The following CFAP47 variants were observed in gnomAD, a reference collection of about 807,000 sequenced individuals.
CFAP47 encodes the protein cilia- and flagella-associated protein 47.
In CFAP47, 29 loss-of-function variants were observed where a neutral mutation model predicts 148.1. The ratio of observed to expected loss-of-function variants is 0.20; its 90% CI spans 0.15 to 0.27. The LOEUF (loss-of-function observed/expected upper bound fraction) is 0.27, where lower values mean the gene tolerates loss of function less well. Among genes scored for constraint, CFAP47 ranks in the 10% least tolerant of loss-of-function variants. The pLI is 1.00. For synonymous variants in CFAP47, 664 were observed against 577.3 expected, an observed-to-expected ratio of 1.15 and a Z score of -2.15; for missense variants, 1,872 against 1,697.5, an observed-to-expected ratio of 1.10 and a Z score of -1.81.
In CFAP47 at chrX:36,104,595, A is replaced by G. The variant is rs1214810484; in HGVS notation, c.5224A>G (p.Ser1742Gly). The change falls in exon 33 of 64, where the codon AGC becomes GGC. Residue 1742 changes from serine to glycine, a missense_variant. Coordinates refer to ENST00000378653, the MANE Select transcript of CFAP47 (RefSeq NM_001304548.2). ...TPKVNPCFAS[S>G]NIYSDSERIL... The stretch of plus-strand genomic sequence containing the variant: ...AAAAGTCAATCCTTGTTTTGCATCC[A>G]GCAACATATATTCTGATTCTGAAAG... 6 of 931,465 alleles carry G rather than the reference A, an allele frequency of 6.4e-6. No individual in the cohort carries two copies. The East Asian group carries it at 1.6e-4, about 24-fold the overall frequency. The allele number at this position is 931,465 out of a possible 1,213,427, so 76.8% of individuals were successfully genotyped here.
intron 57 of CFAP47, among the ~76,000 whole-genome samples, chrX:36,320,868 G>A (rs1161787233): frequency 8.9e-6 from 1 of 111,984 alleles, no homozygotes; most frequent in African/African-American, 3.2e-5. Flanking sequence ...TCTTTGTAAT[G>A]TATAAAAAGA....
intron 57 of CFAP47, among the ~76,000 whole-genome samples, chrX:36,320,627 C>T (rs1408931590): frequency 2.7e-5 from 3 of 112,117 alleles, no homozygotes; most frequent in Non-Finnish European, 5.6e-5. Context: ...GTATGAACAA[C>T]AGTTCACAAA....
chrX:36,200,649 G>A (rs1939970150), intron 43 of CFAP47, among the ~76,000 whole-genome samples, 156 bp downstream of exon 43: 1 of 111,762 alleles, frequency 8.9e-6, no homozygotes, highest in South Asian at 3.7e-4. Context: ...CCATGAAATA[G>A]AGCAGCACCA....
At chrX:36,371,605 ATG>A (rs1176794967) in intron 62 of CFAP47, among the ~76,000 whole-genome samples, 1 of 91,901 alleles carries the variant, frequency 1.1e-5, no homozygotes, top group Non-Finnish European at 2.2e-5. Flanking sequence ...GTGTGTATAT[ATG>A]TGTATATATG....
intron 33 of CFAP47, among the ~76,000 whole-genome samples, chrX:36,130,859 G>T (rs1026767226): frequency 9.0e-6 from 1 of 111,234 alleles, no homozygotes; most frequent in Non-Finnish European, 1.9e-5. Context: ...TCATTTATTT[G>T]TGGAATCTAA....
chrX:36,157,448 C>T (rs1208414013), intron 37 of CFAP47, among the ~76,000 whole-genome samples: 1 of 111,741 alleles, frequency 8.9e-6, no homozygotes, highest in African/African-American at 3.2e-5. Context: ...TTTAATTCCC[C>T]ATACCAGAGG....
chrX:36,352,161 A>G (rs1174964067), intron 59 of CFAP47, among the ~76,000 whole-genome samples: 1 of 110,987 alleles, frequency 9.0e-6, no homozygotes, highest in Non-Finnish European at 1.9e-5. Context: ...TGATCCATAC[A>G]TTGCCAGAGC....
chrX:36,315,613 A>T (rs1941427326), intron 56 of CFAP47, among the ~76,000 whole-genome samples: 1 of 112,116 alleles, frequency 8.9e-6, no homozygotes, highest in South Asian at 3.7e-4. Flanking sequence ...TATCTGGGCC[A>T]TTGTCCAGCT....
chrX:35,974,180 G>A (rs2146668473), intron 13 of CFAP47, among the ~76,000 whole-genome samples: 1 of 112,157 alleles, frequency 8.9e-6, no homozygotes, highest in South Asian at 3.7e-4. Flanking sequence ...CAGGTGGTTA[G>A]CATCTCTGAG....
chrX:36,128,818 A>G (rs73472825), intron 33 of CFAP47, among the ~76,000 whole-genome samples: 4,811 of 110,376 alleles, frequency 0.044, 278 homozygotes, highest in African/African-American at 0.15. Context: ...GCACAAACTC[A>G]AATTTTCCAT....
At chrX:36,074,841 A>T (rs1327944991) in intron 29 of CFAP47, among the ~76,000 whole-genome samples, 1 of 111,716 alleles carries the variant, frequency 9.0e-6, no homozygotes, top group Non-Finnish European at 1.9e-5. Context: ...GCTTCAATGA[A>T]TTCAACTTTT....
In CFAP47 at chrX:36,067,042, G is replaced by T. The variant is rs185069532; in HGVS notation, c.4318+1299G>T. On this transcript the variant is annotated intron_variant, in intron 27 of 63. Coordinates refer to ENST00000378653, the MANE Select transcript of CFAP47 (RefSeq NM_001304548.2). ...TTTCTCCATCTTCAAACTTTCTCTG[G>T]GTTTCCACATACCATACTTCTTTTG... Among the ~76,000 whole-genome samples, 6 of 111,551 alleles carry T rather than the reference G, an allele frequency of 5.4e-5. No individual in the cohort carries two copies. In the East Asian group the frequency reaches 1.7e-3, roughly 32 times the overall value.
Position 36,108,009 on chromosome X carries a change from T to G in CFAP47, c.5320+3318T>G, listed in dbSNP as rs1452659839. Among the ~76,000 whole-genome samples, 5 of 111,849 alleles carry G rather than the reference T, an allele frequency of 4.5e-5. 1 individual carries two copies. In the Admixed American group the frequency reaches 4.8e-4, roughly 11 times the overall value. On this transcript the variant is annotated intron_variant, in intron 33 of 63. Transcript: ENST00000378653. ...AGAAGATACTGCTCACTGTGACTTC[T>G]GCTTAAAAATTACAAGCTTTTTGAG...
At position 35,981,272 on chromosome X, in the gene CFAP47, A is replaced by G. The variant is rs888422964; in HGVS notation, c.2713+5359A>G. Among the ~76,000 whole-genome samples, 3 of 108,672 alleles carry G rather than the reference A, an allele frequency of 2.8e-5. No homozygotes were observed. The South Asian group carries it at 1.2e-3, about 44-fold the overall frequency. 94.4% of individuals were successfully genotyped at this position (108,672 alleles called of 115,157 possible). A position where few individuals can be genotyped will look rare whatever the true frequency, so the allele number is the denominator to read the frequency against. ...TGAGCCAAACATAAAACAAAATATA[A>G]AAGAGCAGATATAAATTCAAATATG... On this transcript the variant is annotated intron_variant, in intron 15 of 63. Transcript: ENST00000378653.
In CFAP47 at chrX:36,268,202, C is replaced by T. The variant is rs375096380; in HGVS notation, c.7445-12285C>T. On this transcript the variant is annotated intron_variant, in intron 49 of 63. Coordinates refer to ENST00000378653, the MANE Select transcript of CFAP47 (RefSeq NM_001304548.2). Reference sequence around the variant, plus strand: ...ATTTCTGGCATACAGCTGCAGGTGTCCAGTCAACAATGAATAGAAGAAGCA... The same window carrying T: ...ATTTCTGGCATACAGCTGCAGGTGTTCAGTCAACAATGAATAGAAGAAGCA... 2.8e-3 allele frequency among the ~76,000 whole-genome samples: 315 copies of T among 113,451 alleles called. 2 individuals are homozygous for T. Among genetic ancestry groups the T allele is most frequent in the Middle Eastern group, 0.019 (4 of 214 alleles).
chrX:35,997,604 A>G (rs1027885532), intron 19 of CFAP47, among the ~76,000 whole-genome samples: 14 of 111,760 alleles, frequency 1.3e-4, no homozygotes, highest in Non-Finnish European at 1.9e-5. Context: ...AGAATTTACC[A>G]CTGAATGTAA....
At chrX:36,063,991 G>A (rs970050736) in intron 26 of CFAP47, among the ~76,000 whole-genome samples, 1 of 112,060 alleles carries the variant, frequency 8.9e-6, no homozygotes, top group Non-Finnish European at 1.9e-5. Flanking sequence ...TACATCACAG[G>A]GGATATGAGT....
At chrX:35,997,742 AGTTT>A (rs1936865537) in intron 19 of CFAP47, among the ~76,000 whole-genome samples, 1 of 111,202 alleles carries the variant, frequency 9.0e-6, no homozygotes. Flanking sequence ...TTGATTATTT[AGTTT>A]GTTTGTTTTT....
intron 1 of CFAP47, 99 bp from the exon 2 acceptor site, chrX:35,925,918 G>A: frequency 1.5e-6 from 1 of 684,818 alleles, no homozygotes; most frequent in Non-Finnish European, 2.1e-6. Context: ...ACCTCCCAAA[G>A]TGCTGGGATT....
Sources: allele counts gnomAD v4.1 joint callset (sites outside exome capture counted in the v4.1 genomes callset), GRCh38; gene constraint gnomAD v4.1.1; transcripts MANE v1.5; gene names NCBI Gene and HGNC (gene_info 2026-07-23, HGNC 2026-07-21).